The following MRPS23 variants were observed in gnomAD, a reference collection of about 807,000 sequenced individuals.
MRPS23 encodes the protein mitochondrial ribosomal protein S23.
MRPS23 carries 14 observed loss-of-function variants against 19.8 expected under a neutral mutation model. The ratio of observed to expected loss-of-function variants is 0.71; its 90% CI spans 0.47 to 1.11. The LOEUF (loss-of-function observed/expected upper bound fraction) is 1.11, where lower values mean the gene tolerates loss of function less well. Among genes scored for constraint, MRPS23 ranks in the 50% least tolerant of loss-of-function variants. The pLI is 0.00. For missense variants in MRPS23, 242 were observed against 236.7 expected, an observed-to-expected ratio of 1.02 and a Z score of -0.15; for synonymous variants, 113 against 89.7, an observed-to-expected ratio of 1.26 and a Z score of -1.47.
chr17:57,841,467 G>T (rs1423318728), intron 2 of MRPS23, among the ~76,000 whole-genome samples: 1 of 152,198 alleles, frequency 6.6e-6, no homozygotes, highest in Non-Finnish European at 1.5e-5. Context: ...AGGGTGGCCA[G>T]TGAAAAGTAA....
intron 1 of MRPS23, 97 bp downstream of exon 1, chr17:57,849,870 T>C: frequency 1.4e-6 from 2 of 1,427,056 alleles, no homozygotes; most frequent in Non-Finnish European, 1.9e-6. Flanking sequence ...GCAATACGCC[T>C]CGCCCTGCTC....
rs1477188110 is a variant in MRPS23, at chr17:57,837,645, A to G, written c.*2138T>C. The G allele has an allele frequency of 6.6e-6, 1 of 152,158 alleles. No individual in the cohort carries two copies. Among genetic ancestry groups the G allele is most frequent in the African/African-American group, 2.4e-5 (1 of 41,448 alleles). The allele number at this position is 152,158 out of a possible 1,614,324, so 9.4% of individuals were successfully genotyped here. Reference sequence around the variant, plus strand: ...AACCATGTGCATGTATAATTTTTTTAAAGAATTATGCAACAAATAACTTCT... The same window carrying G: ...AACCATGTGCATGTATAATTTTTTTGAAGAATTATGCAACAAATAACTTCT... On this transcript the variant is annotated 3_prime_UTR_variant, in exon 5 of 5. Coordinates refer to ENST00000313608, the MANE Select transcript of MRPS23 (RefSeq NM_016070.4).
At chr17:57,846,083 GT>G (rs11405515) in intron 2 of MRPS23, among the ~76,000 whole-genome samples, 4 of 146,026 alleles carry the variant, frequency 2.7e-5, no homozygotes, top group African/African-American at 2.5e-5. Flanking sequence ...TGACATCTTT[GT>G]TTTTTTTTTT....
In MRPS23 at chr17:57,849,240, G is replaced by A. The variant is rs776000336; in HGVS notation, c.215C>T (p.Ala72Val). 2.5e-6 allele frequency: 4 copies of A among 1,614,010 alleles called. No homozygotes were observed. In the East Asian group the frequency reaches 8.9e-5, roughly 36 times the overall value. ...DIWYHEDRIRAKFYSVYGSGQ... is the reference protein window; with the variant it reads ...DIWYHEDRIRVKFYSVYGSGQ... ...GTCCACTACAGGGCTGAGCACTCAC[G>A]CTCTAATCCGATCCTCGTGGTACCA... The change falls in exon 2 of 5, where the codon GCG (alanine) becomes GTG (valine). Residue 72 changes from alanine to valine, a missense_variant and splice_region_variant. Physicochemically the swap from Ala to Val is moderately conservative, Grantham distance 64. Transcript: ENST00000313608.
In MRPS23 at chr17:57,835,353, A is replaced by G. The variant is rs1241877435; in HGVS notation, c.*4430T>C. 6.6e-6 allele frequency: 1 copy of G among 152,296 alleles called. No homozygotes were observed. Among genetic ancestry groups the G allele is most frequent in the Non-Finnish European group, 1.5e-5 (1 of 68,050 alleles). The allele number at this position is 152,296 out of a possible 1,614,324, so 9.4% of individuals were successfully genotyped here. ...ATGCTGCTAAGTTTTCTAGTCACTC[A>G]GGTTTGTGACCTTGGACTTGCTGCC... On this transcript the variant is annotated 3_prime_UTR_variant, in exon 5 of 5. Coordinates refer to ENST00000313608, the MANE Select transcript of MRPS23 (RefSeq NM_016070.4).
intron 2 of MRPS23, among the ~76,000 whole-genome samples, chr17:57,847,654 T>A (rs186376279): frequency 0.017 from 1,468 of 85,198 alleles, 26 homozygotes; most frequent in African/African-American, 0.048. Flanking sequence ...AGAGTGAGAC[T>A]CCATCTCGAA....
chr17:57,847,733 G>C (rs1414411387), intron 2 of MRPS23, among the ~76,000 whole-genome samples: 2 of 146,302 alleles, frequency 1.4e-5, no homozygotes, highest in African/African-American at 5.1e-5. Context: ...GTCTCCCTCT[G>C]TTGCCCAGGC....
intron 1 of MRPS23, 60 bp downstream of exon 1, chr17:57,849,907 C>T (rs1345758163): frequency 1.3e-6 from 2 of 1,542,410 alleles, no homozygotes; most frequent in African/African-American, 1.4e-5. Context: ...AGAGCGTGAC[C>T]GGCTGAGAAC....
chr17:57,849,444 T>C, intron 1 of MRPS23, 34 bp from the exon 2 acceptor site: 1 of 1,604,836 alleles, frequency 6.2e-7, no homozygotes, highest in Non-Finnish European at 8.5e-7. Flanking sequence ...CTGGGTCACT[T>C]GCAGTAGCCT....
intron 2 of MRPS23, among the ~76,000 whole-genome samples, chr17:57,845,250 T>G (rs754972812): frequency 1.3e-5 from 2 of 152,198 alleles, no homozygotes; most frequent in Non-Finnish European, 2.9e-5. Context: ...AGAAGAAAGG[T>G]GCTGAAAAAG....
intron 2 of MRPS23, among the ~76,000 whole-genome samples, chr17:57,844,036 C>T (rs1568016087): frequency 6.6e-6 from 1 of 151,548 alleles, no homozygotes; most frequent in Non-Finnish European, 1.5e-5. Flanking sequence ...CCCATGTTTT[C>T]TTCCAGTACT....
intron 2 of MRPS23, among the ~76,000 whole-genome samples, chr17:57,843,252 G>A (rs1039843632): frequency 7.7e-6 from 1 of 129,378 alleles, no homozygotes; most frequent in East Asian, 2.3e-4. Flanking sequence ...ATCCCAGTCT[G>A]GGTTAGATCC....
intron 2 of MRPS23, among the ~76,000 whole-genome samples, chr17:57,846,616 C>T (rs1226638218): frequency 6.6e-6 from 1 of 152,016 alleles, no homozygotes; most frequent in Non-Finnish European, 1.5e-5. Context: ...TAACCTTACC[C>T]CCAACCCCCT....
Position 57,848,290 on chromosome 17 carries a change from T to C in MRPS23, c.215+950A>G, listed in dbSNP as rs569587852. The stretch of plus-strand genomic sequence containing the variant: ...CAAGTAGCATGTGTTGCTTTTATAA[T>C]AAAAGAGGAAGTATTCTTGCCACTG... On this transcript the variant is annotated intron_variant, in intron 2 of 4. Transcript: ENST00000313608. 2.0e-5 allele frequency among the ~76,000 whole-genome samples: 3 copies of C among 148,442 alleles called. No individual in the cohort carries two copies. In the East Asian group the frequency reaches 5.9e-4, roughly 29 times the overall value.
Position 57,836,667 on chromosome 17 carries a change from T to C in MRPS23, c.*3116A>G. On this transcript the variant is annotated 3_prime_UTR_variant, in exon 5 of 5. Coordinates refer to ENST00000313608, the MANE Select transcript of MRPS23 (RefSeq NM_016070.4). ...AGTCACTCTTGTAGTCCCAACTCGA[T>C]TTTAAGATTTTTTTTTTTTTTTTTT... The C allele has an allele frequency of 7.6e-6, 1 of 131,802 alleles. No individual in the cohort carries two copies. Among genetic ancestry groups the C allele is most frequent in the East Asian group, 2.8e-4 (1 of 3,586 alleles). The allele number at this position is 131,802 out of a possible 1,614,324, so 8.2% of individuals were successfully genotyped here. A position where few individuals can be genotyped will look rare whatever the true frequency, so the allele number is the denominator to read the frequency against.
chr17:57,848,671 G>C (rs1305937693), intron 2 of MRPS23: 1 of 150,618 alleles, frequency 6.6e-6, no homozygotes, highest in Non-Finnish European at 1.5e-5. Context: ...CACCGCACCC[G>C]GCCTCTCTTA....
At chr17:57,842,878 AAATAT>A (rs1241035313) in intron 2 of MRPS23, among the ~76,000 whole-genome samples, 1 of 109,402 alleles carries the variant, frequency 9.1e-6, no homozygotes, top group Non-Finnish European at 1.8e-5. Context: ...AAAAAAAAAA[AAATAT>A]ATATATATAC....
rs1016887530 is a variant in MRPS23, at chr17:57,849,293, G to A, written c.162C>T (p.Gly54=). The change falls in exon 2 of 5, where the codon GGC becomes GGT. Residue 54 remains glycine, a synonymous_variant. Coordinates refer to ENST00000313608, the MANE Select transcript of MRPS23 (RefSeq NM_016070.4). ...PVFQRPRVRY[G]KAKAPIQDIW... The stretch of plus-strand genomic sequence containing the variant: ...TGTCTTGGATGGGAGCTTTGGCTTT[G>A]CCATATCGCACTCGAGGCCTTTGGA... 7 of 1,614,220 alleles carry A rather than the reference G, an allele frequency of 4.3e-6. No individual in the cohort carries two copies. The highest frequency in any genetic ancestry group is 5.9e-6 in the Non-Finnish European group (7 of 1,180,038).
At chr17:57,849,030 G>T (rs149370241) in intron 2 of MRPS23, 1 of 599,446 alleles carries the variant, frequency 1.7e-6, no homozygotes, top group African/African-American at 1.9e-5. Flanking sequence ...TAATTGCAAT[G>T]ATCTTTCGGT....
Sources: allele counts gnomAD v4.1 joint callset (sites outside exome capture counted in the v4.1 genomes callset), GRCh38; gene constraint gnomAD v4.1.1; transcripts MANE v1.5; gene names NCBI Gene and HGNC (gene_info 2026-07-23, HGNC 2026-07-21).